NAA35: variants seen among roughly 807,000 people sequenced by gnomAD.
NAA35 encodes the protein N-alpha-acetyltransferase 35, NatC auxiliary subunit.
Under a neutral mutation model 101.7 loss-of-function variants are expected in NAA35, and 18 were observed. That is an observed-to-expected ratio of 0.18 (90% CI 0.12 to 0.26). NAA35 has a LOEUF of 0.26. NAA35 is among the 10% of genes least tolerant of loss of function. The probability of loss-of-function intolerance (pLI) is 1.00; values close to 1 mark genes in which losing one functional copy is unlikely to be tolerated. For synonymous variants in NAA35, 267 were observed against 273.1 expected (o/e 0.98, Z 0.22); for missense variants, 601 against 886.8 (o/e 0.68, Z 4.09).
At chr9:85,954,666 T>C (rs936824060) in intron 2 of NAA35, among the ~76,000 whole-genome samples, 1 of 152,200 alleles carries the variant, frequency 6.6e-6, no homozygotes, top group African/African-American at 2.4e-5. Context: ...GAAGAGTACA[T>C]GATTAGTTTA....
intron 6 of NAA35, 29 bp from the exon 7 acceptor site, chr9:85,974,938 A>G: frequency 1.3e-6 from 2 of 1,553,968 alleles, no homozygotes; most frequent in East Asian, 2.2e-5. Flanking sequence ...TTTGCTATTC[A>G]TGAGCCTGAT....
At chr9:85,996,646 T>C (rs770391227) in intron 12 of NAA35, 69 bp downstream of exon 12, 20 of 1,224,788 alleles carry the variant, frequency 1.6e-5, no homozygotes, top group Non-Finnish European at 1.9e-5. Flanking sequence ...TAATTGTACA[T>C]ATTTATGTGG....
chr9:85,977,351 T>C lies in NAA35; in HGVS notation c.679-12T>C, dbSNP rs1484954855. 6.2e-7 allele frequency: 1 copy of C among 1,601,060 alleles called. No individual in the cohort carries two copies. The highest frequency in any genetic ancestry group is 1.1e-5 in the South Asian group (1 of 90,716). On this transcript the variant is annotated splice_polypyrimidine_tract_variant and intron_variant, in intron 9 of 22. Transcript: ENST00000361671. ...GCATCTTTTAACTTTTAGTCCTTTCTTGTTTTTTTAGCACCAACAATGTTT... is the reference window on the plus strand; with the variant it reads ...GCATCTTTTAACTTTTAGTCCTTTCCTGTTTTTTTAGCACCAACAATGTTT...
At chr9:85,941,702 T>C (rs2118221939) in intron 1 of NAA35, 1 of 986,424 alleles carries the variant, frequency 1.0e-6, no homozygotes, top group South Asian at 4.7e-5. Context: ...GGGCCGGCTC[T>C]GGCCCGGGAG....
chr9:85,943,302 A>T (rs1428158183), intron 2 of NAA35, among the ~76,000 whole-genome samples: 2 of 152,180 alleles, frequency 1.3e-5, no homozygotes, highest in African/African-American at 2.4e-5. Flanking sequence ...ACAGGGACAC[A>T]CTGAGACAGG....
chr9:85,942,133 T>C, intron 1 of NAA35, 22 bp from the exon 2 acceptor site: 1 of 1,607,030 alleles, frequency 6.2e-7, no homozygotes, highest in Non-Finnish European at 8.5e-7. Context: ...TCCTCTCTCT[T>C]ACATCAGTAT....
Position 86,018,714 on chromosome 9 carries a change from A to G in NAA35, c.1930A>G (p.Asn644Asp), listed in dbSNP as rs1832358282. Residue 644 changes from asparagine to aspartate, a missense_variant, in exon 21 of 23, where the codon AAT becomes GAT. Around this residue, in one of 8 missense-constraint regions of NAA35, gnomAD observed 90 missense variants for 108.7 expected, o/e 0.83. Transcript: ENST00000361671. ...YLQFKEMSDL[N>D]KYSPPPQSPE... ...TTCTTTTTAGGAAATGTCTGACCTCAATAAATATAGCCCTCCTCCTCAGTC... is the reference window on the plus strand; with the variant it reads ...TTCTTTTTAGGAAATGTCTGACCTCGATAAATATAGCCCTCCTCCTCAGTC... The G allele has an allele frequency of 1.2e-6, 2 of 1,613,748 alleles. No homozygotes were observed. The highest frequency in any genetic ancestry group is 4.5e-5 in the East Asian group (2 of 44,866).
chr9:86,024,345 G>A lies in NAA35; in HGVS notation c.*2385G>A, dbSNP rs1267949144. Among the ~76,000 whole-genome samples the A allele has an allele frequency of 6.6e-6, 1 of 152,160 alleles. No homozygotes were observed. The highest frequency in any genetic ancestry group is 1.5e-5 in the Non-Finnish European group (1 of 68,030). ...AAGTATAGAGCAGGAAAAGGATGGC[G>A]GAGATGAGAGGCAAGGAGAAGCCGA... On this transcript the variant is annotated 3_prime_UTR_variant, in exon 23 of 23. Coordinates refer to ENST00000361671, the MANE Select transcript of NAA35 (RefSeq NM_024635.4).
At chr9:85,999,158 TC>T (rs1267388831) in intron 12 of NAA35, among the ~76,000 whole-genome samples, 2 of 152,150 alleles carry the variant, frequency 1.3e-5, no homozygotes, top group East Asian at 1.9e-4. Context: ...TTTTAAAAGT[TC>T]CTAGGAAAAA....
chr9:86,013,212 C>T, intron 16 of NAA35, 68 bp downstream of exon 16: 1 of 974,894 alleles, frequency 1.0e-6, no homozygotes, highest in Non-Finnish European at 1.5e-6. Flanking sequence ...TTTTTAAAAA[C>T]AATAATTCAG....
At chr9:86,004,257 A>G (rs1324036782) in intron 13 of NAA35, among the ~76,000 whole-genome samples, 3 of 152,132 alleles carry the variant, frequency 2.0e-5, no homozygotes, top group Non-Finnish European at 4.4e-5. Flanking sequence ...GGCGCACACC[A>G]TCATGCCTAG....
intron 14 of NAA35, among the ~76,000 whole-genome samples, chr9:86,009,113 T>C (rs868383872): frequency 3.9e-5 from 6 of 152,210 alleles, no homozygotes; most frequent in African/African-American, 1.4e-4. Flanking sequence ...ATGAACATAT[T>C]TCTTCTACTG....
chr9:85,943,076 A>G (rs1383641937), intron 2 of NAA35, among the ~76,000 whole-genome samples: 1 of 152,202 alleles, frequency 6.6e-6, no homozygotes, highest in Non-Finnish European at 1.5e-5. Context: ...GGCAGAGATA[A>G]TTTCTGTAAC....
intron 1 of NAA35, chr9:85,941,639 C>T: frequency 1.0e-6 from 1 of 986,310 alleles, no homozygotes; most frequent in South Asian, 4.7e-5. Flanking sequence ...CCGGCGGGAC[C>T]CTGCGGTGCC....
chr9:85,979,982 C>T (rs1830367708), intron 11 of NAA35, among the ~76,000 whole-genome samples: 2 of 152,294 alleles, frequency 1.3e-5, no homozygotes, highest in East Asian at 3.9e-4. Context: ...GTTTCCAGAA[C>T]TTCTGACCCA....
intron 13 of NAA35, among the ~76,000 whole-genome samples, chr9:86,004,393 C>T (rs983288165): frequency 8.6e-5 from 13 of 151,432 alleles, no homozygotes; most frequent in African/African-American, 2.9e-4. Flanking sequence ...GTTGGAGGAT[C>T]GCTTGAACCT....
chr9:85,959,835 A>G lies in NAA35; in HGVS notation c.316A>G (p.Ile106Val), dbSNP rs150816044. The G allele has an allele frequency of 4.0e-5, 64 of 1,611,400 alleles. No individual in the cohort carries two copies. Among genetic ancestry groups the G allele is most frequent in the Middle Eastern group, 1.6e-4 (1 of 6,076 alleles). The change falls in exon 5 of 23, where the codon ATA (isoleucine) becomes GTA (valine). Residue 106 changes from isoleucine (I) to valine (V), a missense_variant. Transcript: ENST00000361671. ...KIKDLTLPEL[I>V]GIMDTCFCCL... Reference sequence around the variant, plus strand: ...TAAAGATCTCACCTTGCCTGAACTGATAGGGATTATGGATACATGTTTTTG... The same window carrying G: ...TAAAGATCTCACCTTGCCTGAACTGGTAGGGATTATGGATACATGTTTTTG...
intron 12 of NAA35, among the ~76,000 whole-genome samples, chr9:85,999,357 A>C (rs950669921): frequency 1.3e-5 from 2 of 152,220 alleles, no homozygotes; most frequent in African/African-American, 4.8e-5. Flanking sequence ...ATTAATTGCA[A>C]GGTCTTTAAG....
At chr9:85,954,259 AT>A (rs1829144370) in intron 2 of NAA35, among the ~76,000 whole-genome samples, 1 of 151,986 alleles carries the variant, frequency 6.6e-6, no homozygotes, top group Non-Finnish European at 1.5e-5. Context: ...TTTAGAAGAT[AT>A]TTTATAGATA....
Sources: allele counts gnomAD v4.1 joint callset (sites outside exome capture counted in the v4.1 genomes callset), GRCh38; gene constraint gnomAD v4.1.1; regional missense constraint gnomAD v4.1.1; transcripts MANE v1.5; gene names NCBI Gene and HGNC (gene_info 2026-07-23, HGNC 2026-07-21).